The following LARGE1 variants were observed in gnomAD, a reference collection of about 807,000 sequenced individuals.
LARGE1 encodes the protein xylosyl- and glucuronyltransferase LARGE1.
LARGE1 carries 43 observed loss-of-function variants against 87.6 expected under a neutral mutation model. The observed-to-expected ratio is 0.49, with a 90% confidence interval of 0.38 to 0.63. LARGE1 has a LOEUF of 0.63. Among genes scored for constraint, LARGE1 ranks in the 30% least tolerant of loss-of-function variants. LARGE1 has a pLI of 0.00. For missense variants in LARGE1, 802 were observed against 1,000.2 expected, an observed-to-expected ratio of 0.80 and a Z score of 2.67; for synonymous variants, 434 against 394.6, an observed-to-expected ratio of 1.10 and a Z score of -1.18.
chr22:33,166,485 C>T (rs1922278433), exon 12 of LARGE1: 1 of 304,410 alleles, frequency 3.3e-6, no homozygotes. Flanking sequence ...CGGGGATGTT[C>T]ACCTGGCATG....
chr22:33,700,291 T>G (rs1013812372), intron 2 of LARGE1, among the ~76,000 whole-genome samples: 1 of 152,146 alleles, frequency 6.6e-6, no homozygotes, highest in Non-Finnish European at 1.5e-5. Flanking sequence ...ATGCTGGAGT[T>G]TGAGAATCGA....
chr22:33,241,394 C>T (rs966564592), intron 11 of LARGE1, among the ~76,000 whole-genome samples: 29 of 152,084 alleles, frequency 1.9e-4, no homozygotes, highest in Non-Finnish European at 2.4e-4. Flanking sequence ...GCACCTAGCC[C>T]ATGATGCTCT....
intron 2 of LARGE1, among the ~76,000 whole-genome samples, chr22:33,666,293 T>C (rs953888674): frequency 2.0e-5 from 3 of 152,142 alleles, no homozygotes; most frequent in African/African-American, 7.2e-5. Flanking sequence ...AAGTATACTA[T>C]TATTACACTC....
chr22:33,296,345 C>T (rs969022323), intron 12 of LARGE1, among the ~76,000 whole-genome samples: 2 of 152,178 alleles, frequency 1.3e-5, no homozygotes, highest in African/African-American at 4.8e-5. Flanking sequence ...AGCAGCTGTG[C>T]TGTGTGACTT....
At chr22:33,669,299 GTTCTCCTTAAGTGGAGA>G (rs2081345948) in intron 2 of LARGE1, among the ~76,000 whole-genome samples, 3 of 152,190 alleles carry the variant, frequency 2.0e-5, no homozygotes, top group African/African-American at 7.2e-5. Context: ...AGGACATGAT[GTTCTCCTTAAGTGGAGA>G]TGCACAGGAC....
intron 11 of LARGE1, among the ~76,000 whole-genome samples, chr22:33,312,284 A>G (rs1935683402): frequency 1.3e-5 from 2 of 152,174 alleles, no homozygotes; most frequent in Admixed American, 1.3e-4. Context: ...TCTACTAAAA[A>G]TACAAAGTTA....
intron 9 of LARGE1, among the ~76,000 whole-genome samples, chr22:33,379,267 T>C (rs977303207): frequency 2.0e-5 from 3 of 151,756 alleles, no homozygotes; most frequent in African/African-American, 7.3e-5. Flanking sequence ...TCTTTCTTTT[T>C]TTTTTTTTTA....
intron 1 of LARGE1, among the ~76,000 whole-genome samples, chr22:33,865,418 A>G (rs2064061623): frequency 6.6e-6 from 1 of 152,214 alleles, no homozygotes; most frequent in Admixed American, 6.5e-5. Flanking sequence ...TGACACTGAC[A>G]CAACTCCACT....
chr22:33,263,930 T>G (rs151280168), intron 11 of LARGE1, among the ~76,000 whole-genome samples: 1 of 152,236 alleles, frequency 6.6e-6, no homozygotes, highest in Non-Finnish European at 1.5e-5. Context: ...CTTACTGTTA[T>G]GACTTTGGGC....
chr22:33,263,134 T>C (rs2145753784), intron 11 of LARGE1, among the ~76,000 whole-genome samples: 1 of 152,218 alleles, frequency 6.6e-6, no homozygotes. Flanking sequence ...GACCTTGTGA[T>C]TCGCCACCTC....
intron 7 of LARGE1, among the ~76,000 whole-genome samples, chr22:33,406,300 C>T (rs2066097056): frequency 6.6e-6 from 1 of 152,138 alleles, no homozygotes; most frequent in African/African-American, 2.4e-5. Context: ...GTCTTCCCTT[C>T]CCCATTCTGT....
chr22:33,748,333 T>C (rs918964421), intron 2 of LARGE1, among the ~76,000 whole-genome samples: 2 of 152,114 alleles, frequency 1.3e-5, no homozygotes, highest in Non-Finnish European at 1.5e-5. Flanking sequence ...GGTTTCACCA[T>C]GTTGGCCAGG....
At chr22:33,471,857 C>T (rs2068856555) in intron 6 of LARGE1, among the ~76,000 whole-genome samples, 1 of 152,104 alleles carries the variant, frequency 6.6e-6, no homozygotes, top group African/African-American at 2.4e-5. Flanking sequence ...AGAGACCAGC[C>T]TGGCCAATAT....
intron 6 of LARGE1, among the ~76,000 whole-genome samples, chr22:33,439,737 T>G (rs1022632253): frequency 6.6e-6 from 1 of 152,188 alleles, no homozygotes; most frequent in African/African-American, 2.4e-5. Context: ...CTTAGGTGAT[T>G]TGGCTGTTCC....
intron 11 of LARGE1, among the ~76,000 whole-genome samples, chr22:33,244,571 C>CGT: frequency 6.6e-6 from 1 of 152,150 alleles, no homozygotes; most frequent in Non-Finnish European, 1.5e-5. Context: ...GCAGGACAAC[C>CGT]TAAGCCCCTT....
intron 6 of LARGE1, among the ~76,000 whole-genome samples, chr22:33,529,516 C>T (rs748030537): frequency 2.6e-5 from 4 of 152,176 alleles, no homozygotes; most frequent in African/African-American, 7.2e-5. Context: ...AGCTATTAAC[C>T]GGGTCAGAAA....
chr22:33,418,050 C>T (rs965751843), intron 7 of LARGE1, among the ~76,000 whole-genome samples: 3 of 152,186 alleles, frequency 2.0e-5, no homozygotes, highest in East Asian at 3.9e-4. Context: ...CGGGTTCAAG[C>T]AATTCTCCTG....
intron 11 of LARGE1, among the ~76,000 whole-genome samples, chr22:33,224,715 T>G (rs1443265551): frequency 6.6e-6 from 1 of 152,022 alleles, no homozygotes; most frequent in Non-Finnish European, 1.5e-5. Flanking sequence ...CCAACCTGCA[T>G]GCCTTGTCAA....
At position 33,247,735 on chromosome 22, in the gene LARGE1, G is replaced by C. The variant is rs376750599; in HGVS notation, c.1730+56494C>G. Among the ~76,000 whole-genome samples, 99 of 152,276 alleles carry C rather than the reference G, an allele frequency of 6.5e-4. 2 individuals carry two copies. The South Asian group carries it at 0.02, about 31-fold the overall frequency. ...GTATGAATGGGAATCTTCCAATATT[G>C]ATGGGATAAAGAACAAGGCAGTGTA... On this transcript the variant is annotated intron_variant, in intron 11 of 11. Transcript: ENST00000608642.
Sources: gnomAD v4.1 joint callset for allele counts (sites outside exome capture counted in the v4.1 genomes callset) on GRCh38, gnomAD v4.1.1 for gene constraint, MANE v1.5 for transcripts, NCBI Gene and HGNC (gene_info 2026-07-23, HGNC 2026-07-21) for gene names.